ERBIN: variants seen among roughly 807,000 people sequenced by gnomAD.
ERBIN encodes erbb2 interacting protein, also known as densin-180-like protein.
ERBIN carries 60 observed loss-of-function variants against 158.4 expected under a neutral mutation model. That is an observed-to-expected ratio of 0.38 (90% CI 0.31 to 0.47). The LOEUF (loss-of-function observed/expected upper bound fraction) is 0.47, where lower values mean the gene tolerates loss of function less well. Among genes scored for constraint, ERBIN ranks in the 20% least tolerant of loss-of-function variants. The pLI, the probability that ERBIN is intolerant of heterozygous loss-of-function variation, is 0.99. For missense variants in ERBIN, 1,610 were observed against 1,648.0 expected, an observed-to-expected ratio of 0.98 and a Z score of 0.40; for synonymous variants, 594 against 557.2, an observed-to-expected ratio of 1.07 and a Z score of -0.93.
chr5:65,977,608 G>T (rs2151005101), intron 1 of ERBIN, among the ~76,000 whole-genome samples: 2 of 151,796 alleles, frequency 1.3e-5, no homozygotes, highest in South Asian at 4.2e-4. Context: ...TGGCGGCTGG[G>T]AAGAGGCGCT....
intron 14 of ERBIN, among the ~76,000 whole-genome samples, chr5:66,033,509 T>C (rs970235821): frequency 2.0e-5 from 3 of 152,142 alleles, no homozygotes; most frequent in African/African-American, 7.2e-5. Flanking sequence ...AGGAAGAAGT[T>C]GTTAATAGGA....
At chr5:65,944,120 T>C (rs1322272119) in intron 1 of ERBIN, among the ~76,000 whole-genome samples, 1 of 152,050 alleles carries the variant, frequency 6.6e-6, no homozygotes, top group Non-Finnish European at 1.5e-5. Context: ...TCGATAAATA[T>C]CTCCTTGAGA....
At chr5:66,034,371 C>T (rs1233027854) in intron 14 of ERBIN, among the ~76,000 whole-genome samples, 1 of 151,764 alleles carries the variant, frequency 6.6e-6, no homozygotes, top group African/African-American at 2.4e-5. Context: ...CTCTCTGCAA[C>T]CTCTGCCTCC....
At chr5:66,057,572 T>C (rs1344549805) in intron 21 of ERBIN, among the ~76,000 whole-genome samples, 2 of 152,108 alleles carry the variant, frequency 1.3e-5, no homozygotes, top group Admixed American at 1.3e-4. Context: ...TTATTATACT[T>C]TAAGTTTTAG....
chr5:65,971,102 G>A (rs73762633), intron 1 of ERBIN, among the ~76,000 whole-genome samples: 4,029 of 152,266 alleles, frequency 0.026, 179 homozygotes, highest in African/African-American at 0.093. Flanking sequence ...TGCTACCAAA[G>A]TGTTTAGGTT....
intron 4 of ERBIN, among the ~76,000 whole-genome samples, chr5:66,005,791 C>A (rs945905437): frequency 3.3e-5 from 5 of 152,172 alleles, no homozygotes; most frequent in African/African-American, 1.2e-4. Flanking sequence ...AACTCCCATT[C>A]ACAATTGCTT....
intron 21 of ERBIN, among the ~76,000 whole-genome samples, chr5:66,059,244 G>A (rs1246718035): frequency 6.6e-6 from 1 of 152,054 alleles, no homozygotes; most frequent in Non-Finnish European, 1.5e-5. Context: ...CCTTGAAGAG[G>A]TCCTTCACAT....
intron 25 of ERBIN, 123 bp from the exon 26 acceptor site, chr5:66,078,300 T>A (rs1762197129): frequency 4.6e-6 from 3 of 656,986 alleles, no homozygotes; most frequent in South Asian, 3.6e-5. Context: ...GGCCTGTGAA[T>A]CTGTATGTTA....
At chr5:66,020,844 G>A (rs1384797078) in intron 7 of ERBIN, among the ~76,000 whole-genome samples, 2 of 151,956 alleles carry the variant, frequency 1.3e-5, no homozygotes, top group African/African-American at 4.8e-5. Context: ...ATTTGAACAT[G>A]TGGGGAGTAA....
chr5:66,018,486 ATT>A lies in ERBIN; in HGVS notation c.534-2835_534-2834del, dbSNP rs1561380378. 3.8e-3 allele frequency among the ~76,000 whole-genome samples: 27 copies of A among 7,152 alleles called. 6 individuals are homozygous for A. Among genetic ancestry groups the A allele is most frequent in the South Asian group, 0.016 (5 of 306 alleles). The allele number at this position is 7,152 out of a possible 152,430, so 4.7% of individuals were successfully genotyped here. A position where few individuals can be genotyped will look rare whatever the true frequency, so the allele number is the denominator to read the frequency against. On this transcript the variant is annotated intron_variant, in intron 7 of 25. Transcript: ENST00000284037. ...ATATAATATATATTATATATTATAT[ATT>A]ATATTATATAATATATATTATATAT...
intron 6 of ERBIN, among the ~76,000 whole-genome samples, chr5:66,013,884 G>A (rs1754452098): frequency 6.6e-6 from 1 of 152,020 alleles, no homozygotes; most frequent in African/African-American, 2.4e-5. Flanking sequence ...GTTTCAATGG[G>A]GTTAATTTCT....
At chr5:65,970,847 G>T (rs1749169424) in intron 1 of ERBIN, among the ~76,000 whole-genome samples, 1 of 152,142 alleles carries the variant, frequency 6.6e-6, no homozygotes, top group African/African-American at 2.4e-5. Context: ...CCTCAGCTGG[G>T]ATTACAGGTG....
Position 66,003,612 on chromosome 5 carries a change from A to T in ERBIN, c.308-8437A>T, listed in dbSNP as rs900108162. On this transcript the variant is annotated intron_variant, in intron 4 of 25. Transcript: ENST00000284037. The stretch of plus-strand genomic sequence containing the variant: ...ACAATATCATGTTTTGTCTTTTTTC[A>T]GACATGATTATAAATGTGTTTTTGT... 3.9e-5 allele frequency among the ~76,000 whole-genome samples: 6 copies of T among 152,270 alleles called. No homozygotes were observed. In the South Asian group the frequency reaches 1.0e-3, roughly 26 times the overall value.
chr5:65,990,364 G>T (rs984649974), intron 2 of ERBIN, among the ~76,000 whole-genome samples: 1 of 152,112 alleles, frequency 6.6e-6, no homozygotes, highest in Non-Finnish European at 1.5e-5. Context: ...CACAGTGCCT[G>T]GTATAGAGTG....
intron 1 of ERBIN, among the ~76,000 whole-genome samples, chr5:65,951,548 C>T (rs1235411389): frequency 1.3e-5 from 2 of 152,130 alleles, no homozygotes; most frequent in African/African-American, 4.8e-5. Flanking sequence ...GTAGTAAATT[C>T]AGTAGGCTTA....
intron 14 of ERBIN, among the ~76,000 whole-genome samples, chr5:66,034,300 T>G (rs1387242553): frequency 1.3e-5 from 2 of 151,948 alleles, no homozygotes; most frequent in African/African-American, 2.4e-5. Context: ...ATAGCTGTTT[T>G]TTTTTTTAAG....
At chr5:65,958,581 G>A (rs1281350525) in intron 1 of ERBIN, among the ~76,000 whole-genome samples, 1 of 151,396 alleles carries the variant, frequency 6.6e-6, no homozygotes, top group African/African-American at 2.4e-5. Context: ...GTACAGTCCA[G>A]CTTCGGCTGG....
chr5:66,063,930 TTTC>T (rs1239347012), intron 21 of ERBIN, among the ~76,000 whole-genome samples: 2 of 152,214 alleles, frequency 1.3e-5, no homozygotes, highest in African/African-American at 4.8e-5. Flanking sequence ...AATTTGGTAT[TTTC>T]TTCATGATTT....
intron 21 of ERBIN, among the ~76,000 whole-genome samples, chr5:66,071,025 A>G (rs924335848): frequency 3.3e-5 from 5 of 152,196 alleles, no homozygotes; most frequent in Non-Finnish European, 7.3e-5. Context: ...AGTGAAAAAC[A>G]TATGTGTCTT....
Sources: gnomAD v4.1 joint callset for allele counts (sites outside exome capture counted in the v4.1 genomes callset) on GRCh38, gnomAD v4.1.1 for gene constraint, MANE v1.5 for transcripts, NCBI Gene and HGNC (gene_info 2026-07-23, HGNC 2026-07-21) for gene names.